Variants in REV1 observed in about 807,000 individuals in gnomAD.
The protein encoded by REV1 is REV1 DNA directed polymerase.
Under a neutral mutation model 137.4 loss-of-function variants are expected in REV1, and 42 were observed. The observed-to-expected ratio is 0.31, with a 90% confidence interval of 0.24 to 0.40. The LOEUF is 0.40. Among genes scored for constraint, REV1 ranks in the 10% least tolerant of loss-of-function variants. REV1 has a pLI of 1.00. For missense variants in REV1, 1,282 were observed against 1,490.1 expected, an observed-to-expected ratio of 0.86 and a Z score of 2.30; for synonymous variants, 524 against 519.2, an observed-to-expected ratio of 1.01 and a Z score of -0.12.
chr2:99,451,742 T>C (rs1329732442), intron 3 of REV1, among the ~76,000 whole-genome samples: 1 of 151,836 alleles, frequency 6.6e-6, no homozygotes, highest in Non-Finnish European at 1.5e-5. Flanking sequence ...GAGTAATGTA[T>C]ATGACCTCAG....
intron 1 of REV1, among the ~76,000 whole-genome samples, chr2:99,483,869 C>G (rs946605166): frequency 6.6e-6 from 1 of 152,148 alleles, no homozygotes; most frequent in Non-Finnish European, 1.5e-5. Context: ...TGGGGTCTCA[C>G]TTTCCTCCAG....
chr2:99,444,726 T>TAC (rs1472600276), intron 4 of REV1, among the ~76,000 whole-genome samples: 1 of 152,220 alleles, frequency 6.6e-6, no homozygotes, highest in Non-Finnish European at 1.5e-5. Context: ...TACTCCTAAC[T>TAC]ACCCCTGCTT....
At chr2:99,412,521 T>C (rs1215008897) in intron 13 of REV1, among the ~76,000 whole-genome samples, 1 of 152,182 alleles carries the variant, frequency 6.6e-6, no homozygotes, top group East Asian at 1.9e-4. Context: ...TTAGTATATT[T>C]CCCCAAGAGC....
intron 9 of REV1, among the ~76,000 whole-genome samples, chr2:99,428,973 C>CA (rs1460011572): frequency 7.7e-6 from 1 of 129,686 alleles, no homozygotes; most frequent in African/African-American, 3.0e-5. Context: ...GCCTGGGTGA[C>CA]AGAGCGAGAC....
At chr2:99,454,200 G>C (rs1683256213) in intron 3 of REV1, among the ~76,000 whole-genome samples, 1 of 150,654 alleles carries the variant, frequency 6.6e-6, no homozygotes, top group Admixed American at 6.6e-5. Flanking sequence ...GACCAACCTA[G>C]GCAACACAGC....
intron 14 of REV1, among the ~76,000 whole-genome samples, chr2:99,410,373 C>G (rs1307116535): frequency 1.3e-5 from 2 of 152,236 alleles, no homozygotes; most frequent in South Asian, 4.2e-4. Context: ...CACCAAGTCC[C>G]GAAACTATAG....
Position 99,435,928 on chromosome 2 carries a change from T to C in REV1, c.1227A>G (p.Val409=), listed in dbSNP as rs1254996143. 1.9e-6 allele frequency: 3 copies of C among 1,581,584 alleles called. No individual in the cohort carries two copies. Among genetic ancestry groups the C allele is most frequent in the Non-Finnish European group, 1.7e-6 (2 of 1,152,856 alleles). ...AGCTCTGATGTCTGGGAGAATTCAA[T>C]ACTGACATATCTCCTAGAAGGAAAA... The part of the protein sequence containing the change: ...LVVTDTGDMS[V]LNSPRHQSCI... Residue 409 remains valine, a synonymous_variant, in exon 7 of 23, where the codon GTA becomes GTG. Transcript: ENST00000258428.
At chr2:99,446,629 G>C (rs1359126270) in intron 4 of REV1, among the ~76,000 whole-genome samples, 1 of 151,852 alleles carries the variant, frequency 6.6e-6, no homozygotes, top group Non-Finnish European at 1.5e-5. Context: ...TGAGTAGCTG[G>C]GATTACAGGC....
rs557366615 is a variant in REV1 at position 99,428,984 on chromosome 2, T to G, written c.1547+856A>C. Among the ~76,000 whole-genome samples, 8 of 135,354 alleles carry G rather than the reference T, an allele frequency of 5.9e-5. No individual in the cohort carries two copies. The East Asian group carries it at 1.7e-3, about 29-fold the overall frequency. The allele number at this position is 135,354 out of a possible 152,430, so 88.8% of individuals were successfully genotyped here. On this transcript the variant is annotated intron_variant, in intron 9 of 22. Transcript: ENST00000258428. ...TCCAGCCTGGGTGACAGAGCGAGACTCCGTCTCAAAAAAAAAAAAAAAAAA... is the reference window on the plus strand; with the variant it reads ...TCCAGCCTGGGTGACAGAGCGAGACGCCGTCTCAAAAAAAAAAAAAAAAAA...
intron 3 of REV1, chr2:99,451,603 A>G (rs1459311864): frequency 2.8e-6 from 2 of 724,836 alleles, no homozygotes; most frequent in African/African-American, 3.7e-5. Context: ...GAAGTTGTTT[A>G]ACTTCTTTAG....
chr2:99,411,266 C>T (rs954913943), intron 13 of REV1, among the ~76,000 whole-genome samples: 2 of 151,994 alleles, frequency 1.3e-5, no homozygotes, highest in Admixed American at 1.3e-4. Flanking sequence ...CCAGCCTGGG[C>T]GACAGAGGGA....
Position 99,470,034 on chromosome 2 carries a change from T to C in REV1, c.-10-5049A>G, listed in dbSNP as rs1685238051. ...TACGTGGGAGGCTGAGGCAGGAGAA[T>C]GGCGTGAACCCGGGAGGTGGAGCTT... On this transcript the variant is annotated intron_variant, in intron 1 of 22. Transcript: ENST00000258428. Among the ~76,000 whole-genome samples the C allele has an allele frequency of 2.0e-5, 3 of 150,898 alleles. No homozygotes were observed. The South Asian group carries it at 6.3e-4, about 32-fold the overall frequency.
chr2:99,451,605 CTT>C (rs1682930227), intron 3 of REV1: 1 of 664,792 alleles, frequency 1.5e-6, no homozygotes, highest in Non-Finnish European at 2.4e-6. Context: ...AGTTGTTTAA[CTT>C]CTTTAGGCTT....
At chr2:99,467,419 C>T (rs1684929213) in intron 1 of REV1, among the ~76,000 whole-genome samples, 1 of 152,180 alleles carries the variant, frequency 6.6e-6, no homozygotes, top group Non-Finnish European at 1.5e-5. Context: ...GAACAACAAA[C>T]TCCTATTGAT....
intron 4 of REV1, among the ~76,000 whole-genome samples, chr2:99,447,997 A>C (rs1218223183): frequency 6.6e-6 from 1 of 152,148 alleles, no homozygotes; most frequent in Non-Finnish European, 1.5e-5. Flanking sequence ...TGCCCGGCCA[A>C]GCATAAAGTT....
chr2:99,468,754 A>G (rs560100226), intron 1 of REV1, among the ~76,000 whole-genome samples: 3 of 152,368 alleles, frequency 2.0e-5, no homozygotes, highest in Admixed American at 6.5e-5. Context: ...AAACGGATGA[A>G]GAGTGAATAC....
At chr2:99,412,646 A>T in intron 13 of REV1, 85 bp downstream of exon 13, 1 of 1,025,402 alleles carries the variant, frequency 9.8e-7, no homozygotes. Flanking sequence ...TCAAGCATTG[A>T]GGGTCTAATG....
chr2:99,445,315 A>G (rs1366327352), intron 4 of REV1, among the ~76,000 whole-genome samples: 2 of 152,226 alleles, frequency 1.3e-5, no homozygotes, highest in African/African-American at 4.8e-5. Flanking sequence ...TAGAAAGAAA[A>G]GATAAACTGA....
At chr2:99,437,190 C>T (rs1680875912) in intron 6 of REV1, among the ~76,000 whole-genome samples, 1 of 151,570 alleles carries the variant, frequency 6.6e-6, no homozygotes, top group Non-Finnish European at 1.5e-5. Flanking sequence ...ACTGTGTTGC[C>T]CAGGTTGGTC....
Sources: allele counts gnomAD v4.1 joint callset (sites outside exome capture counted in the v4.1 genomes callset), GRCh38; gene constraint gnomAD v4.1.1; transcripts MANE v1.5; gene names NCBI Gene and HGNC (gene_info 2026-07-23, HGNC 2026-07-21).